SMARCA5: variants seen among roughly 807,000 people sequenced by gnomAD.
SMARCA5 encodes SNF2 related chromatin remodeling ATPase 5.
SMARCA5 carries 18 observed loss-of-function variants against 140.4 expected under a neutral mutation model. That is an observed-to-expected ratio of 0.13 (90% CI 0.09 to 0.19). The LOEUF (loss-of-function observed/expected upper bound fraction) is 0.19. Ranked by LOEUF, SMARCA5 falls within the 10% of genes least tolerant of loss-of-function variation. The pLI, the probability that SMARCA5 is intolerant of heterozygous loss-of-function variation, is 1.00. For missense variants in SMARCA5, 606 were observed against 1,276.8 expected (o/e 0.47, Z 8.01); for synonymous variants, 449 against 419.6 (o/e 1.07, Z -0.86).
chr4:143,534,787 T>A (rs943975758), intron 9 of SMARCA5, 68 bp from the exon 10 acceptor site: 1 of 1,137,314 alleles, frequency 8.8e-7, no homozygotes, highest in African/African-American at 1.6e-5. Context: ...TATATACAAT[T>A]CTAAGATGCT....
intron 13 of SMARCA5, among the ~76,000 whole-genome samples, 156 bp downstream of exon 13, chr4:143,539,094 A>G (rs1237082011): frequency 6.6e-6 from 1 of 152,172 alleles, no homozygotes; most frequent in Non-Finnish European, 1.5e-5. Flanking sequence ...TTCCATCTAA[A>G]TAAGGGTATT....
intron 19 of SMARCA5, among the ~76,000 whole-genome samples, chr4:143,546,301 G>A (rs183458826): frequency 1.3e-5 from 2 of 151,944 alleles, no homozygotes; most frequent in South Asian, 2.1e-4. Flanking sequence ...GAATGTTCCC[G>A]TCTTTCCTAT....
intron 2 of SMARCA5, among the ~76,000 whole-genome samples, chr4:143,519,092 G>T (rs910211353): frequency 3.3e-5 from 5 of 151,854 alleles, no homozygotes; most frequent in African/African-American, 7.3e-5. Flanking sequence ...TTTTTACCTG[G>T]TATCTTTAAA....
At chr4:143,528,138 T>A in intron 7 of SMARCA5, 115 bp downstream of exon 7, 1 of 754,854 alleles carries the variant, frequency 1.3e-6, no homozygotes, top group Non-Finnish European at 2.0e-6. Flanking sequence ...GCAGGTTTGT[T>A]AACATAGGTA....
In SMARCA5 at chr4:143,554,899, C is replaced by G; in HGVS notation, c.*1715C>G. The G allele has an allele frequency of 3.1e-6, 1 of 317,550 alleles. No homozygotes were observed. Among genetic ancestry groups the G allele is most frequent in the Admixed American group, 4.1e-5 (1 of 24,426 alleles). The allele number at this position is 317,550 out of a possible 1,614,324, so 19.7% of individuals were successfully genotyped here. On this transcript the variant is annotated 3_prime_UTR_variant, in exon 24 of 24. Transcript: ENST00000283131. ...AAATGAATCAAGTATAGTGGTAGCC[C>G]TGAGAGCTTAGGGACTCAAATGGAA...
intron 22 of SMARCA5, among the ~76,000 whole-genome samples, chr4:143,548,995 A>G (rs1348523137): frequency 6.6e-6 from 1 of 152,124 alleles, no homozygotes; most frequent in Non-Finnish European, 1.5e-5. Context: ...ACATGAAGAT[A>G]CTTTGAAGAT....
In SMARCA5 at chr4:143,554,986, G is replaced by A. The variant is rs984276108; in HGVS notation, c.*1802G>A. 5 of 470,344 alleles carry A rather than the reference G, an allele frequency of 1.1e-5. No individual in the cohort carries two copies. The highest frequency in any genetic ancestry group is 5.4e-5 in the East Asian group (1 of 18,648). 29.1% of individuals were successfully genotyped at this position (470,344 alleles called of 1,614,324 possible). ...GAACCAGCTAGGCCCTGCCACCACT[G>A]TGTTTGGCCAAGTTCACAAATCTGT... On this transcript the variant is annotated 3_prime_UTR_variant, in exon 24 of 24. Coordinates refer to ENST00000283131, the MANE Select transcript of SMARCA5 (RefSeq NM_003601.4).
In SMARCA5 at chr4:143,513,969, C is replaced by T. The variant is rs1167189055; in HGVS notation, c.45C>T (p.Ser15=). Residue 15 remains serine (S), a synonymous_variant, in exon 1 of 24, where the codon AGC becomes AGT. Transcript: ENST00000283131. The part of the protein sequence containing the change: ...AEPPPPPPPE[S]APSKPAASIA... ...CTCCGCCACCCCCGCCTCCCGAGAG[C>T]GCGCCTTCCAAGCCCGCAGCCTCGA... The T allele has an allele frequency of 1.7e-5, 26 of 1,556,580 alleles. No individual in the cohort carries two copies. The highest frequency in any genetic ancestry group is 2.1e-5 in the Non-Finnish European group (24 of 1,158,758).
At chr4:143,550,149 C>T (rs1737614062) in intron 23 of SMARCA5, 45 bp downstream of exon 23, 5 of 1,168,328 alleles carry the variant, frequency 4.3e-6, no homozygotes, top group South Asian at 4.2e-5. Flanking sequence ...TGTAAATTTC[C>T]CCTTTCTAAG....
chr4:143,536,130 A>AT (rs1445457374), intron 10 of SMARCA5, among the ~76,000 whole-genome samples: 1 of 152,150 alleles, frequency 6.6e-6, no homozygotes, highest in Admixed American at 6.5e-5. Context: ...TAAAACTTAC[A>AT]TTTTTTAAGT....
At chr4:143,546,618 T>TCC (rs1737530860) in intron 19 of SMARCA5, among the ~76,000 whole-genome samples, 158 bp from the exon 20 acceptor site, 1 of 152,140 alleles carries the variant, frequency 6.6e-6, no homozygotes, top group Non-Finnish European at 1.5e-5. Context: ...TAATGTGTTG[T>TCC]CAAAAGTGTA....
intron 14 of SMARCA5, 130 bp downstream of exon 14, chr4:143,540,625 G>A: frequency 1.3e-6 from 1 of 791,794 alleles, no homozygotes; most frequent in South Asian, 1.9e-5. Flanking sequence ...GAGATGACTT[G>A]TATTGCAAAT....
chr4:143,549,957 T>G, intron 22 of SMARCA5, 40 bp from the exon 23 acceptor site: 1 of 1,122,874 alleles, frequency 8.9e-7, no homozygotes, highest in South Asian at 1.3e-5. Context: ...ATGAAACTTG[T>G]GGATGGAAAG....
intron 14 of SMARCA5, 83 bp from the exon 15 acceptor site, chr4:143,543,426 A>C: frequency 9.2e-7 from 1 of 1,092,096 alleles, no homozygotes; most frequent in East Asian, 2.5e-5. Flanking sequence ...ATTATAAAGC[A>C]TTAAACCTTA....
intron 17 of SMARCA5, among the ~76,000 whole-genome samples, chr4:143,545,196 C>T (rs138889367): frequency 1.5e-3 from 233 of 152,300 alleles, no homozygotes; most frequent in African/African-American, 5.5e-3. Flanking sequence ...CCACCTTGGT[C>T]TCCCAAAGTA....
At chr4:143,525,236 G>A (rs943231746) in intron 4 of SMARCA5, among the ~76,000 whole-genome samples, 28 of 152,216 alleles carry the variant, frequency 1.8e-4, no homozygotes, top group Admixed American at 4.6e-4. Flanking sequence ...TCTGATGCCC[G>A]CAGTCATGTT....
At chr4:143,518,754 T>C (rs1295609805) in intron 2 of SMARCA5, among the ~76,000 whole-genome samples, 1 of 152,160 alleles carries the variant, frequency 6.6e-6, no homozygotes, top group East Asian at 1.9e-4. Context: ...GTCACCTTTT[T>C]TGCTATCAAA....
At chr4:143,526,568 T>G in intron 6 of SMARCA5, 108 bp downstream of exon 6, 1 of 718,666 alleles carries the variant, frequency 1.4e-6, no homozygotes, top group African/African-American at 1.8e-5. Flanking sequence ...TCTTCGCAAA[T>G]ATTAGTATTT....
intron 22 of SMARCA5, among the ~76,000 whole-genome samples, chr4:143,549,321 A>T (rs1372005343): frequency 6.6e-6 from 1 of 152,106 alleles, no homozygotes; most frequent in East Asian, 1.9e-4. Context: ...TAGTAGTATC[A>T]CTTACTATAA....
Sources: allele counts gnomAD v4.1 joint callset (sites outside exome capture counted in the v4.1 genomes callset), GRCh38; gene constraint gnomAD v4.1.1; transcripts MANE v1.5; gene names NCBI Gene and HGNC (gene_info 2026-07-23, HGNC 2026-07-21).